Variants in PTPRR observed in about 807,000 individuals in gnomAD.
PTPRR encodes receptor-type tyrosine-protein phosphatase R.
A neutral mutation model predicts 77.2 loss-of-function variants in PTPRR; 38 were observed. The observed-to-expected ratio is 0.49, with a 90% CI of 0.38 to 0.65. The LOEUF is 0.65. PTPRR is among the 30% of genes least tolerant of loss of function. The pLI is 0.00. For missense variants in PTPRR, 744 were observed against 799.2 expected, an observed-to-expected ratio of 0.93 and a Z score of 0.83; for synonymous variants, 299 against 283.1, an observed-to-expected ratio of 1.06 and a Z score of -0.57.
In PTPRR at chr12:70,745,965, T is replaced by A. The variant is rs184094307; in HGVS notation, c.860A>T (p.His287Leu). ...QPALSEAKTV[H>L]SMVQPEQAPK... ...GGCCTGCTCAGGTTGGACCATGCTGTGGACTGTCTTTGCCTCGGACAGTGC... is the reference window on the plus strand; with the variant it reads ...GGCCTGCTCAGGTTGGACCATGCTGAGGACTGTCTTTGCCTCGGACAGTGC... Residue 287 changes from histidine to leucine, a missense_variant, in exon 6 of 14, where the codon CAC becomes CTC. Physicochemically the swap from His to Leu is moderately conservative, Grantham distance 99. Around this residue, in one of 3 missense-constraint regions of PTPRR, gnomAD observed 570 missense variants for 573.2 expected, o/e 0.99. Transcript: ENST00000283228. 13 of 1,614,168 alleles carry A rather than the reference T, an allele frequency of 8.1e-6. No individual in the cohort carries two copies. In the Admixed American group the frequency reaches 2.2e-4, roughly 27 times the overall value.
At chr12:70,770,011 A>G (rs1392601094) in intron 2 of PTPRR, among the ~76,000 whole-genome samples, 1 of 152,166 alleles carries the variant, frequency 6.6e-6, no homozygotes, top group African/African-American at 2.4e-5. Context: ...AATTAATTCA[A>G]GATGGAATAA....
intron 13 of PTPRR, among the ~76,000 whole-genome samples, chr12:70,656,486 ACCACTGCACT>A (rs1381748535): frequency 6.6e-6 from 1 of 152,178 alleles, no homozygotes; most frequent in African/African-American, 2.4e-5. Context: ...CTGAGATTGC[ACCACTGCACT>A]CCAGCCTGGA....
chr12:70,779,653 G>A (rs1291654266), intron 2 of PTPRR, among the ~76,000 whole-genome samples: 2 of 152,100 alleles, frequency 1.3e-5, no homozygotes, highest in African/African-American at 4.8e-5. Context: ...GTTCTCTGCT[G>A]TCTCCTCAAG....
At chr12:70,715,851 C>T (rs1482825062) in intron 6 of PTPRR, among the ~76,000 whole-genome samples, 1 of 152,096 alleles carries the variant, frequency 6.6e-6, no homozygotes, top group Non-Finnish European at 1.5e-5. Context: ...ATGCAATTAT[C>T]ATAGGGTCCT....
At chr12:70,890,816 C>G (rs572096787) in intron 2 of PTPRR, among the ~76,000 whole-genome samples, 7 of 152,108 alleles carry the variant, frequency 4.6e-5, no homozygotes, top group Non-Finnish European at 8.8e-5. Context: ...TATGCTGCCC[C>G]AGAATATATC....
At chr12:70,906,271 G>T (rs1251456691) in intron 1 of PTPRR, among the ~76,000 whole-genome samples, 7 of 151,868 alleles carry the variant, frequency 4.6e-5, no homozygotes, top group Admixed American at 4.6e-4. Context: ...AACTAGATTA[G>T]AAATATATTT....
chr12:70,793,830 A>G (rs1891464108), intron 2 of PTPRR, among the ~76,000 whole-genome samples: 2 of 152,228 alleles, frequency 1.3e-5, no homozygotes, highest in Admixed American at 1.3e-4. Context: ...AATGTAAAAA[A>G]TACTGTATTG....
chr12:70,798,329 A>G (rs1891552005), intron 2 of PTPRR, among the ~76,000 whole-genome samples: 1 of 152,144 alleles, frequency 6.6e-6, no homozygotes, highest in African/African-American at 2.4e-5. Context: ...ATGTCTTGGG[A>G]TACTATTATA....
At chr12:70,905,381 T>G (rs1187612051) in intron 1 of PTPRR, among the ~76,000 whole-genome samples, 1 of 151,908 alleles carries the variant, frequency 6.6e-6, no homozygotes, top group African/African-American at 2.4e-5. Flanking sequence ...ATTTCTTGTC[T>G]TCATTGAGAG....
chr12:70,819,093 G>T (rs1341369278), intron 2 of PTPRR, among the ~76,000 whole-genome samples: 4 of 152,152 alleles, frequency 2.6e-5, no homozygotes, highest in African/African-American at 9.7e-5. Context: ...GGCCAAGGCA[G>T]GCAGATCACT....
chr12:70,874,402 C>A (rs1697164500), intron 2 of PTPRR, among the ~76,000 whole-genome samples: 1 of 152,034 alleles, frequency 6.6e-6, no homozygotes, highest in Admixed American at 6.6e-5. Flanking sequence ...CTGCACGATG[C>A]AGTAAAGAAT....
chr12:70,833,289 A>G (rs1592783659), intron 2 of PTPRR, among the ~76,000 whole-genome samples: 1 of 152,156 alleles, frequency 6.6e-6, no homozygotes, highest in Non-Finnish European at 1.5e-5. Context: ...TCAGATTTCT[A>G]GGTTGGAAAG....
intron 2 of PTPRR, among the ~76,000 whole-genome samples, chr12:70,876,885 A>G (rs1337760490): frequency 1.3e-5 from 2 of 152,202 alleles, no homozygotes; most frequent in African/African-American, 4.8e-5. Flanking sequence ...ATAAGAGGTG[A>G]ACATATGGCA....
At chr12:70,890,645 T>C (rs1168392752) in intron 2 of PTPRR, among the ~76,000 whole-genome samples, 1 of 152,108 alleles carries the variant, frequency 6.6e-6, no homozygotes, top group African/African-American at 2.4e-5. Context: ...AAGACACTGA[T>C]AGTCAGAACA....
chr12:70,920,210 A>G, intron 1 of PTPRR, 123 bp downstream of exon 1: 1 of 1,018,654 alleles, frequency 9.8e-7, no homozygotes. Context: ...CCTGTCAGGT[A>G]CTGTCCTGTT....
chr12:70,891,068 G>C (rs1034028014), intron 2 of PTPRR, among the ~76,000 whole-genome samples: 2 of 152,152 alleles, frequency 1.3e-5, no homozygotes, highest in Non-Finnish European at 2.9e-5. Context: ...CAAAGCCACA[G>C]CATGGTCAGA....
intron 2 of PTPRR, among the ~76,000 whole-genome samples, chr12:70,793,059 G>T (rs1891449418): frequency 6.6e-6 from 1 of 152,198 alleles, no homozygotes; most frequent in Admixed American, 6.5e-5. Context: ...AAGAAGGGAT[G>T]AGACAATGTT....
intron 2 of PTPRR, among the ~76,000 whole-genome samples, chr12:70,782,700 G>A (rs1225364254): frequency 6.6e-6 from 1 of 151,866 alleles, no homozygotes; most frequent in African/African-American, 2.4e-5. Context: ...GGTGGGGGGA[G>A]TGGGGAGGGA....
At chr12:70,846,182 A>T (rs1399482900) in intron 2 of PTPRR, among the ~76,000 whole-genome samples, 1 of 152,248 alleles carries the variant, frequency 6.6e-6, no homozygotes, top group Non-Finnish European at 1.5e-5. Flanking sequence ...TGGTTAATTA[A>T]CATGGAAAGA....
Sources: allele counts gnomAD v4.1 joint callset (sites outside exome capture counted in the v4.1 genomes callset), GRCh38; gene constraint gnomAD v4.1.1; regional missense constraint gnomAD v4.1.1; transcripts MANE v1.5; gene names NCBI Gene and HGNC (gene_info 2026-07-23, HGNC 2026-07-21).